Variants in SLMAP observed in about 807,000 individuals in gnomAD.
SLMAP encodes the protein sarcolemma associated protein, also known as sarcolemmal membrane-associated protein.
In SLMAP, 44 loss-of-function variants were observed where a neutral mutation model predicts 128.8. That is an observed-to-expected ratio of 0.34 (90% CI 0.27 to 0.44). The LOEUF is 0.44. Among genes scored for constraint, SLMAP ranks in the 20% least tolerant of loss-of-function variants. The pLI is 1.00. For synonymous variants in SLMAP, 327 were observed against 348.8 expected, an observed-to-expected ratio of 0.94 and a Z score of 0.70; for missense variants, 787 against 985.3, an observed-to-expected ratio of 0.80 and a Z score of 2.69.
chr3:57,779,243 C>A (rs1055139177), intron 2 of SLMAP, among the ~76,000 whole-genome samples: 26 of 152,112 alleles, frequency 1.7e-4, no homozygotes, highest in African/African-American at 6.3e-4. Flanking sequence ...CGCAGTGGCT[C>A]ACACTTGTAT....
intron 4 of SLMAP, among the ~76,000 whole-genome samples, chr3:57,846,207 G>T (rs1363891569): frequency 6.6e-6 from 1 of 152,174 alleles, no homozygotes; most frequent in Non-Finnish European, 1.5e-5. Context: ...CTTTCAGCTG[G>T]TGGGTAGAGC....
chr3:57,760,791 G>C (rs567704003), intron 2 of SLMAP, among the ~76,000 whole-genome samples: 2 of 151,728 alleles, frequency 1.3e-5, no homozygotes, highest in African/African-American at 4.8e-5. Context: ...GCAATGGCGC[G>C]ATCTTGGCTC....
intron 13 of SLMAP, among the ~76,000 whole-genome samples, chr3:57,868,164 A>G (rs1237609254): frequency 2.0e-5 from 3 of 152,100 alleles, no homozygotes; most frequent in Non-Finnish European, 4.4e-5. Flanking sequence ...AGGAGGCTAG[A>G]TGGGAGAATC....
At chr3:57,762,915 G>A (rs1051661396) in intron 2 of SLMAP, among the ~76,000 whole-genome samples, 2 of 152,026 alleles carry the variant, frequency 1.3e-5, no homozygotes, top group Admixed American at 1.3e-4. Context: ...AGTAGAGACA[G>A]GGTTTCACCA....
At chr3:57,805,915 A>G (rs2089723584) in intron 2 of SLMAP, among the ~76,000 whole-genome samples, 1 of 151,998 alleles carries the variant, frequency 6.6e-6, no homozygotes, top group South Asian at 2.1e-4. Flanking sequence ...ACTCTTACTC[A>G]GCCTTAATGA....
intron 2 of SLMAP, among the ~76,000 whole-genome samples, chr3:57,787,145 TG>T (rs1159091175): frequency 1.3e-5 from 2 of 152,214 alleles, no homozygotes; most frequent in African/African-American, 4.8e-5. Context: ...AAATTGCTTG[TG>T]TCTCCCTTGA....
intron 2 of SLMAP, among the ~76,000 whole-genome samples, chr3:57,817,081 A>G (rs1313056248): frequency 6.6e-6 from 1 of 152,252 alleles, no homozygotes. Flanking sequence ...GAGGGTCAAC[A>G]GTCTTTTTAT....
intron 2 of SLMAP, among the ~76,000 whole-genome samples, chr3:57,806,696 T>G (rs1369248114): frequency 6.6e-6 from 1 of 152,144 alleles, no homozygotes; most frequent in Non-Finnish European, 1.5e-5. Context: ...TACCTCGGCC[T>G]CCCAAAGTGC....
intron 19 of SLMAP, among the ~76,000 whole-genome samples, chr3:57,911,635 A>AG (rs1702350944): frequency 6.6e-6 from 1 of 152,192 alleles, no homozygotes; most frequent in Non-Finnish European, 1.5e-5. Context: ...AATACCTGAC[A>AG]GCTGTGAGCA....
chr3:57,857,991 G>T, intron 7 of SLMAP, 97 bp from the exon 8 acceptor site: 1 of 949,676 alleles, frequency 1.1e-6, no homozygotes, highest in Non-Finnish European at 1.7e-6. Flanking sequence ...TCAGTTTTAC[G>T]CTTTTATATC....
chr3:57,869,642 ATAT>A (rs1160776791), intron 13 of SLMAP, among the ~76,000 whole-genome samples: 1 of 129,360 alleles, frequency 7.7e-6, no homozygotes, highest in Non-Finnish European at 1.6e-5. Context: ...ATATATATAT[ATAT>A]ATATATATAT....
At chr3:57,889,018 G>A (rs1421021173) in intron 14 of SLMAP, among the ~76,000 whole-genome samples, 3 of 151,872 alleles carry the variant, frequency 2.0e-5, no homozygotes, top group South Asian at 2.1e-4. Flanking sequence ...CCGAGTAGCT[G>A]GGACTACAGG....
At chr3:57,912,296 AC>A (rs1487337236) in intron 19 of SLMAP, 84 bp from the exon 20 acceptor site, 1 of 1,161,438 alleles carries the variant, frequency 8.6e-7, no homozygotes, top group Non-Finnish European at 1.3e-6. Context: ...AGCTCTGACA[AC>A]CCAGGTTATG....
At chr3:57,864,769 G>T in intron 11 of SLMAP, 38 bp from the exon 12 acceptor site, 18 of 1,553,818 alleles carry the variant, frequency 1.2e-5, no homozygotes, top group Non-Finnish European at 1.6e-5. Context: ...CTTGTTATCT[G>T]TGAAATATCT....
Position 57,757,610 on chromosome 3 carries a change from C to G in SLMAP, c.-42C>G, listed in dbSNP as rs13400. 305,842 of 1,600,564 alleles carry G rather than the reference C, an allele frequency of 0.19. 32,391 individuals are homozygous for G. The highest frequency in any genetic ancestry group is 0.44 in the East Asian group (19,737 of 44,594). ...GGGCAGTCCGGATCCGGAGGAACTC[C>G]TCTTTGTCCCTGGTAGGAGAGACAC... On this transcript the variant is annotated 5_prime_UTR_variant, in exon 2 of 25. Coordinates refer to ENST00000671191, the MANE Select transcript of SLMAP (RefSeq NM_001377540.1).
chr3:57,772,781 C>T (rs999361305), intron 2 of SLMAP, among the ~76,000 whole-genome samples: 3 of 152,078 alleles, frequency 2.0e-5, no homozygotes, highest in Admixed American at 2.0e-4. Flanking sequence ...GCTGGGATTA[C>T]AGGCATGCGC....
At chr3:57,899,608 C>T (rs781585482) in intron 17 of SLMAP, 14 of 152,144 alleles carry the variant, frequency 9.2e-5, no homozygotes, top group African/African-American at 2.9e-4. Context: ...CTAAGTTGGT[C>T]AGGTTGGTCT....
At chr3:57,855,855 C>T (rs2094758127) in intron 6 of SLMAP, among the ~76,000 whole-genome samples, 1 of 151,868 alleles carries the variant, frequency 6.6e-6, no homozygotes, top group Non-Finnish European at 1.5e-5. Flanking sequence ...ACCAGCCTGT[C>T]CAACATGGTA....
chr3:57,836,557 C>G (rs181694640), intron 3 of SLMAP, among the ~76,000 whole-genome samples: 1 of 151,988 alleles, frequency 6.6e-6, no homozygotes, highest in Non-Finnish European at 1.5e-5. Context: ...AGGCTGGTCT[C>G]GAACTCCTGG....
Sources: gnomAD v4.1 joint callset for allele counts (sites outside exome capture counted in the v4.1 genomes callset) on GRCh38, gnomAD v4.1.1 for gene constraint, MANE v1.5 for transcripts, NCBI Gene and HGNC (gene_info 2026-07-23, HGNC 2026-07-21) for gene names.